The following PRDM4 variants were observed in gnomAD, a reference collection of about 807,000 sequenced individuals.
The protein encoded by PRDM4 is PR/SET domain 4.
In PRDM4, 38 loss-of-function variants were observed where a neutral mutation model predicts 62.3. That is an observed-to-expected ratio of 0.61 (90% CI 0.47 to 0.80). PRDM4 has a LOEUF of 0.80. Among genes scored for constraint, PRDM4 ranks in the 30% least tolerant of loss-of-function variants. The pLI is 0.00. For synonymous variants in PRDM4, 339 were observed against 348.2 expected (o/e 0.97, Z 0.30); for missense variants, 858 against 997.1 (o/e 0.86, Z 1.88).
chr12:107,758,864 G>C, intron 2 of PRDM4, among the ~76,000 whole-genome samples: 1 of 152,138 alleles, frequency 6.6e-6, no homozygotes, highest in South Asian at 2.1e-4. Context: ...TTATTTTATC[G>C]GATGGAGCTA....
At chr12:107,760,079 G>C (rs1370853338) in intron 2 of PRDM4, 1 of 154,496 alleles carries the variant, frequency 6.5e-6, no homozygotes, top group Non-Finnish European at 1.4e-5. Flanking sequence ...ACAGCCAAAT[G>C]CAACAATTTC....
In PRDM4 at chr12:107,753,794, C is replaced by T. The variant is rs1264521957; in HGVS notation, c.331+130G>A. The T allele has an allele frequency of 3.5e-6, 3 of 850,602 alleles. No homozygotes were observed. In the East Asian group the frequency reaches 8.6e-5, roughly 24 times the overall value. 52.7% of individuals were successfully genotyped at this position (850,602 alleles called of 1,614,324 possible). ...AAGTACATAAATATAAACAAAGATA[C>T]TTTTCCTGCCTAGAGATTAATATCT... is the stretch of plus-strand genomic sequence containing the variant. On this transcript the variant is annotated intron_variant, in intron 4 of 11. Transcript: ENST00000228437.
intron 7 of PRDM4, among the ~76,000 whole-genome samples, chr12:107,743,693 C>T (rs1294479659): frequency 1.3e-5 from 2 of 152,196 alleles, no homozygotes; most frequent in East Asian, 3.9e-4. Context: ...TTTAAAGTTC[C>T]CAATGACAGT....
rs1246649358 is a variant in PRDM4 at position 107,744,529 on chromosome 12, T to C, written c.1395+14A>G. On this transcript the variant is annotated intron_variant, in intron 7 of 11. Transcript: ENST00000228437. ...AACAGCCAAAAGCCACAGAAAAGTT[T>C]CATCAGGACTGACCTTCCAGATATG... 2 of 1,599,642 alleles carry C rather than the reference T, an allele frequency of 1.3e-6. No homozygotes were observed.
intron 3 of PRDM4, chr12:107,754,785 T>C (rs1317187928): frequency 3.3e-5 from 5 of 152,236 alleles, no homozygotes; most frequent in South Asian, 2.1e-4. Context: ...TAGGTAGTGA[T>C]AGTATGAAAT....
intron 3 of PRDM4, among the ~76,000 whole-genome samples, chr12:107,755,867 C>T (rs991426683): frequency 1.5e-4 from 23 of 152,150 alleles, no homozygotes; most frequent in African/African-American, 5.6e-4. Flanking sequence ...GGCGGATCAC[C>T]TGAGGGCAGG....
chr12:107,759,143 C>G (rs1006247486), intron 2 of PRDM4, among the ~76,000 whole-genome samples: 14 of 152,040 alleles, frequency 9.2e-5, no homozygotes, highest in Non-Finnish European at 1.6e-4. Context: ...CATGGTGGTT[C>G]GTGCTTGTGG....
chr12:107,740,738 G>GC (rs1890491113), intron 10 of PRDM4, among the ~76,000 whole-genome samples: 1 of 152,050 alleles, frequency 6.6e-6, no homozygotes, highest in African/African-American at 2.4e-5. Context: ...ATTTTCCCAG[G>GC]CACCTTCCAA....
chr12:107,739,585 AAAC>A (rs1890447399), intron 10 of PRDM4, 34 bp from the exon 11 acceptor site: 1 of 1,594,540 alleles, frequency 6.3e-7, no homozygotes, highest in Non-Finnish European at 8.6e-7. Context: ...ACCGTGAAGA[AAAC>A]AACTGCTGGC....
rs776782843 is a variant in PRDM4, at chr12:107,760,545, G to C, written c.-30C>G. The C allele has an allele frequency of 1.9e-6, 3 of 1,612,486 alleles. No individual in the cohort carries two copies. In the East Asian group the frequency reaches 6.7e-5, roughly 36 times the overall value. ...TTGGGGCCAAATATCAGAGAAAGGA[G>C]CGCTCGGGTGGTGGGGAACAGGCAT... On this transcript the variant is annotated 5_prime_UTR_variant, in exon 2 of 12. Transcript: ENST00000228437.
chr12:107,757,092 C>T (rs780781654), intron 2 of PRDM4, 127 bp from the exon 3 acceptor site: 72 of 882,606 alleles, frequency 8.2e-5, no homozygotes, highest in Non-Finnish European at 1.1e-4. Context: ...TTCACTTTTA[C>T]GCTCAACAAT....
chr12:107,760,778 G>T lies in PRDM4; in HGVS notation c.-256-7C>A. The T allele has an allele frequency of 2.0e-6, 1 of 500,472 alleles. No homozygotes were observed. The highest frequency in any genetic ancestry group is 3.6e-6 in the Non-Finnish European group (1 of 278,620). The allele number at this position is 500,472 out of a possible 1,614,324, so 31.0% of individuals were successfully genotyped here. A position where few individuals can be genotyped will look rare whatever the true frequency, so the allele number is the denominator to read the frequency against. On this transcript the variant is annotated splice_region_variant and splice_polypyrimidine_tract_variant and intron_variant, in intron 1 of 11. Transcript: ENST00000228437. The stretch of plus-strand genomic sequence containing the variant: ...GGGAAGGGGGCTGCCCAACCTGGGG[G>T]AGTGGGGACAAGAGCGGTCACCAAA...
chr12:107,751,186 C>G (rs1345895270), intron 5 of PRDM4, among the ~76,000 whole-genome samples: 2 of 152,240 alleles, frequency 1.3e-5, no homozygotes, highest in Non-Finnish European at 2.9e-5. Context: ...CTTCACATTT[C>G]ATTTCTTCAG....
intron 4 of PRDM4, among the ~76,000 whole-genome samples, chr12:107,752,758 G>C (rs1400687051): frequency 6.6e-6 from 1 of 152,094 alleles, no homozygotes; most frequent in African/African-American, 2.4e-5. Flanking sequence ...TCTTTGTGAA[G>C]CATATATATT....
rs749998394 is a variant in PRDM4, at chr12:107,734,410, T to C, written c.2206A>G (p.Thr736Ala). Residue 736 changes from threonine to alanine, a missense_variant, in exon 12 of 12, where the codon ACA becomes GCA. Physicochemically the swap from Thr to Ala is moderately conservative, Grantham distance 58. Transcript: ENST00000228437. ...TGGTATTTGGTTAGATAAGCCTTTGTACATTTTTCACAGACATAATCCCGT... is the reference window on the plus strand; with the variant it reads ...TGGTATTTGGTTAGATAAGCCTTTGCACATTTTTCACAGACATAATCCCGT... ...GKRDYVCEKC[T>A]KAYLTKYHLT... 4 of 1,614,192 alleles carry C rather than the reference T, an allele frequency of 2.5e-6. No homozygotes were observed. The highest frequency in any genetic ancestry group is 1.1e-5 in the South Asian group (1 of 91,088).
At chr12:107,737,035 A>G (rs1890356216) in intron 11 of PRDM4, 2 of 152,192 alleles carry the variant, frequency 1.3e-5, no homozygotes, top group African/African-American at 2.4e-5. Context: ...GGTGAGGTGT[A>G]TGAGGGTGGA....
rs1425336618 is a variant in PRDM4, at chr12:107,742,368, A to G, written c.1482-20T>C. 8 of 1,612,000 alleles carry G rather than the reference A, an allele frequency of 5.0e-6. No individual in the cohort carries two copies. Among genetic ancestry groups the G allele is most frequent in the Non-Finnish European group, 1.7e-6 (2 of 1,178,860 alleles). ...CGGTTCCTGAGTTATCACATTTAAT[A>G]GATCAAGCACATTAATTTTGAAATG... is the stretch of plus-strand genomic sequence containing the variant. On this transcript the variant is annotated intron_variant, in intron 8 of 11. Coordinates refer to ENST00000228437, the MANE Select transcript of PRDM4 (RefSeq NM_012406.4).
At chr12:107,741,284 A>T in intron 9 of PRDM4, 24 bp from the exon 10 acceptor site, 1 of 1,579,458 alleles carries the variant, frequency 6.3e-7, no homozygotes, top group Non-Finnish European at 8.7e-7. Context: ...ATTACTCATT[A>T]TCTCCCAATA....
intron 3 of PRDM4, among the ~76,000 whole-genome samples, chr12:107,755,105 G>A (rs1321855928): frequency 6.6e-6 from 1 of 151,380 alleles, no homozygotes; most frequent in Non-Finnish European, 1.5e-5. Context: ...TTTTTTTTGA[G>A]ACAAGGTTTT....
Sources: allele counts gnomAD v4.1 joint callset (sites outside exome capture counted in the v4.1 genomes callset), GRCh38; gene constraint gnomAD v4.1.1; transcripts MANE v1.5; gene names NCBI Gene and HGNC (gene_info 2026-07-23, HGNC 2026-07-21).